The following CARMIL1 variants were observed in gnomAD, a reference collection of about 807,000 sequenced individuals.
The protein encoded by CARMIL1 is F-actin-uncapping protein LRRC16A.
Under a neutral mutation model 177.1 loss-of-function variants are expected in CARMIL1, and 90 were observed. The observed-to-expected ratio is 0.51, with a 90% CI of 0.43 to 0.61. CARMIL1 has a LOEUF of 0.61. Among genes scored for constraint, CARMIL1 ranks in the 20% least tolerant of loss-of-function variants. The pLI, the probability that CARMIL1 is intolerant of heterozygous loss-of-function variation, is 0.00. For synonymous variants in CARMIL1, 577 were observed against 606.2 expected (o/e 0.95, Z 0.71); for missense variants, 1,380 against 1,667.0 (o/e 0.83, Z 3.00).
chr6:25,390,229 C>T (rs1792607488), intron 2 of CARMIL1, among the ~76,000 whole-genome samples: 1 of 148,386 alleles, frequency 6.7e-6, no homozygotes. Context: ...CTATTATTGA[C>T]ATTACCTGGT....
intron 4 of CARMIL1, among the ~76,000 whole-genome samples, chr6:25,429,841 AATTATT>A (rs1239528083): frequency 6.8e-6 from 1 of 145,998 alleles, no homozygotes; most frequent in African/African-American, 2.7e-5. Flanking sequence ...CATGATATAT[AATTATT>A]ATTATATATA....
At chr6:25,340,608 C>T (rs1786801427) in intron 2 of CARMIL1, among the ~76,000 whole-genome samples, 1 of 152,018 alleles carries the variant, frequency 6.6e-6, no homozygotes, top group South Asian at 2.1e-4. Context: ...CCCTGGCCAC[C>T]TATCTTTGAG....
At chr6:25,606,685 G>A (rs1275767162) in intron 35 of CARMIL1, among the ~76,000 whole-genome samples, 2 of 152,138 alleles carry the variant, frequency 1.3e-5, no homozygotes, top group Non-Finnish European at 1.5e-5. Flanking sequence ...CAAGCTCTGT[G>A]GTGTTTATGC....
chr6:25,484,239 T>G lies in CARMIL1; in HGVS notation c.961+1896T>G, dbSNP rs562770811. 2.0e-5 allele frequency among the ~76,000 whole-genome samples: 3 copies of G among 152,344 alleles called. No homozygotes were observed. The South Asian group carries it at 6.2e-4, about 32-fold the overall frequency. ...ATTTCTGGACAATAAGGGCTTTGCC[T>G]CGTTCATTGCTGTGTCCTGGCACTT... is the stretch of plus-strand genomic sequence containing the variant. On this transcript the variant is annotated intron_variant, in intron 12 of 36. Coordinates refer to ENST00000329474, the MANE Select transcript of CARMIL1 (RefSeq NM_017640.6).
chr6:25,525,928 T>C, intron 23 of CARMIL1, among the ~76,000 whole-genome samples: 1 of 151,754 alleles, frequency 6.6e-6, no homozygotes, highest in African/African-American at 2.4e-5. Flanking sequence ...ATGTAATAGA[T>C]AGAAAACAGT....
At chr6:25,450,471 G>T in intron 7 of CARMIL1, 62 bp downstream of exon 7, 1 of 1,421,042 alleles carries the variant, frequency 7.0e-7, no homozygotes, top group South Asian at 1.2e-5. Context: ...TCTAATGTTT[G>T]GCTGGCTTGT....
intron 4 of CARMIL1, among the ~76,000 whole-genome samples, chr6:25,429,775 A>C (rs191459749): frequency 2.4e-4 from 35 of 145,318 alleles, no homozygotes; most frequent in Admixed American, 8.1e-4. Context: ...GATTAGTTAT[A>C]TTGATTAATT....
chr6:25,526,654 G>C (rs930391445), intron 23 of CARMIL1, among the ~76,000 whole-genome samples: 3 of 151,848 alleles, frequency 2.0e-5, no homozygotes, highest in African/African-American at 7.3e-5. Flanking sequence ...CTGAGCTCAA[G>C]TGATCCTCCC....
intron 2 of CARMIL1, among the ~76,000 whole-genome samples, chr6:25,401,790 A>G (rs1793901452): frequency 1.3e-5 from 2 of 152,176 alleles, no homozygotes; most frequent in South Asian, 2.1e-4. Context: ...AATCGATCCT[A>G]ACTAAACCAC....
At chr6:25,405,363 T>G (rs1467525644) in intron 2 of CARMIL1, among the ~76,000 whole-genome samples, 2 of 152,228 alleles carry the variant, frequency 1.3e-5, no homozygotes, top group Non-Finnish European at 2.9e-5. Context: ...ATACCTCATA[T>G]AAGGTCTGCC....
Position 25,600,443 on chromosome 6 carries a change from AC to A in CARMIL1, c.3251del (p.Pro1084GlnfsTer4). 6.2e-7 allele frequency: 1 copy of A among 1,614,048 alleles called. No homozygotes were observed. The highest frequency in any genetic ancestry group is 8.5e-7 in the Non-Finnish European group (1 of 1,179,894). On this transcript the variant is annotated frameshift_variant, in exon 33 of 37. Coordinates refer to ENST00000329474, the MANE Select transcript of CARMIL1 (RefSeq NM_017640.6). LOFTEE classifies it high-confidence loss of function. ...IKSRSKSERP[P>X]TILMTEEPSS... ...AATCCCGGTCCAAATCCGAGCGACC[AC>A]CAACGATCTTGATGACAGAAGAACC...
At chr6:25,490,868 A>G (rs547757446) in intron 13 of CARMIL1, among the ~76,000 whole-genome samples, 1 of 152,380 alleles carries the variant, frequency 6.6e-6, no homozygotes, top group African/African-American at 2.4e-5. Flanking sequence ...CCATATAGCC[A>G]AACTGCTACA....
intron 1 of CARMIL1, among the ~76,000 whole-genome samples, chr6:25,280,318 C>T (rs905882482): frequency 6.6e-6 from 1 of 152,124 alleles, no homozygotes; most frequent in Non-Finnish European, 1.5e-5. Flanking sequence ...GAAAATGCCC[C>T]GCGGGAGGTG....
intron 11 of CARMIL1, among the ~76,000 whole-genome samples, chr6:25,474,237 A>G (rs1277747133): frequency 6.6e-6 from 1 of 150,632 alleles, no homozygotes; most frequent in East Asian, 1.9e-4. Flanking sequence ...CCTCCCGAGT[A>G]GCTGGGACTA....
chr6:25,332,742 TACACACACACACAC>T (rs35133749), intron 2 of CARMIL1, among the ~76,000 whole-genome samples: 1 of 140,086 alleles, frequency 7.1e-6, no homozygotes, highest in East Asian at 2.1e-4. Flanking sequence ...CAAACATGCA[TACACACACACACAC>T]ACACACACAC....
chr6:25,474,027 TG>T (rs1801302785), intron 11 of CARMIL1, among the ~76,000 whole-genome samples: 1 of 152,190 alleles, frequency 6.6e-6, no homozygotes, highest in African/African-American at 2.4e-5. Context: ...GGGACTATTT[TG>T]TTTTCATTTT....
At chr6:25,280,632 T>C (rs1468585489) in intron 1 of CARMIL1, among the ~76,000 whole-genome samples, 1 of 151,738 alleles carries the variant, frequency 6.6e-6, no homozygotes, top group Non-Finnish European at 1.5e-5. Context: ...GGTTAAGTCT[T>C]GGGGTTTAAC....
intron 12 of CARMIL1, among the ~76,000 whole-genome samples, chr6:25,485,594 C>A (rs1294490744): frequency 1.3e-5 from 2 of 152,068 alleles, no homozygotes; most frequent in African/African-American, 4.8e-5. Flanking sequence ...GCCACCACGC[C>A]CAGCTAATTT....
Position 25,465,959 on chromosome 6 carries a change from A to T in CARMIL1, c.690+11A>T, listed in dbSNP as rs202126587. 1,282 of 1,586,904 alleles carry T rather than the reference A, an allele frequency of 8.1e-4. 1 individual carries two copies. The highest frequency in any genetic ancestry group is 1.0e-3 in the Non-Finnish European group (1,179 of 1,156,488). ...AAGGATCTAAAACTGGTAAGTAATC[A>T]AACATGCAGCAAATGTTGCTTGGCT... On this transcript the variant is annotated intron_variant, in intron 9 of 36. Coordinates refer to ENST00000329474, the MANE Select transcript of CARMIL1 (RefSeq NM_017640.6).
Sources: allele counts gnomAD v4.1 joint callset (sites outside exome capture counted in the v4.1 genomes callset), GRCh38; gene constraint gnomAD v4.1.1; transcripts MANE v1.5; gene names NCBI Gene and HGNC (gene_info 2026-07-23, HGNC 2026-07-21).